Variants in PFKFB3 observed in about 807,000 individuals in gnomAD.
PFKFB3 encodes the protein 6-phosphofructo-2-kinase/fructose-2,6-bisphosphatase 3.
In PFKFB3, 33 loss-of-function variants were observed where a neutral mutation model predicts 68.0. The ratio of observed to expected loss-of-function variants is 0.49; its 90% CI spans 0.37 to 0.65. The LOEUF (loss-of-function observed/expected upper bound fraction) is 0.65. Among genes scored for constraint, PFKFB3 ranks in the 30% least tolerant of loss-of-function variants. PFKFB3 has a pLI of 0.00. For missense variants in PFKFB3, 586 were observed against 712.2 expected (o/e 0.82, Z 2.02); for synonymous variants, 315 against 288.2 (o/e 1.09, Z -0.94).
the PFKFB3 span, among the ~76,000 whole-genome samples, chr10:6,267,547 G>A: frequency 3.3e-5 from 5 of 152,114 alleles, no homozygotes; most frequent in Non-Finnish European, 5.9e-5. Flanking sequence ...GGCTGTTGGC[G>A]TTCTTACTTA....
At chr10:6,242,014 T>C (rs1161221458) in intron 14 of PFKFB3, among the ~76,000 whole-genome samples, 2 of 152,040 alleles carry the variant, frequency 1.3e-5, no homozygotes, top group East Asian at 3.9e-4. Flanking sequence ...TCCTGCTTAA[T>C]TTTTAAATTT....
chr10:6,207,808 T>G (rs1843896532), intron 1 of PFKFB3, among the ~76,000 whole-genome samples: 1 of 152,240 alleles, frequency 6.6e-6, no homozygotes, highest in Non-Finnish European at 1.5e-5. Context: ...TAACTCCTGC[T>G]GACTTACTGA....
intron 13 of PFKFB3, chr10:6,225,097 T>C (rs1039960614): frequency 2.2e-6 from 1 of 455,930 alleles, no homozygotes; most frequent in Non-Finnish European, 4.4e-6. Context: ...TCTGACTGAG[T>C]AGAGTGGGCC....
the PFKFB3 span, among the ~76,000 whole-genome samples, chr10:6,302,374 T>G: frequency 9.9e-3 from 936 of 94,576 alleles, 76 homozygotes; most frequent in East Asian, 0.076. Context: ...TTTTTTTTTT[T>G]TTTTTTTTTT....
chr10:6,208,371 C>CTTTTTTTTTT lies in PFKFB3; in HGVS notation c.76+5048_76+5057dup, dbSNP rs35447462. On this transcript the variant is annotated intron_variant, in intron 1 of 14. Transcript: ENST00000379775. ...ACAGGTGTAAGCCAGGGTACCTGGC[C>CTTTTTTTTTT]TTTTTTTTTTTTTTTTTTTTTTGCC... Among the ~76,000 whole-genome samples, 143 of 60,620 alleles carry CTTTTTTTTTT rather than the reference C, an allele frequency of 2.4e-3. 22 individuals are homozygous for CTTTTTTTTTT. The highest frequency in any genetic ancestry group is 0.016 in the South Asian group (20 of 1,262). 39.8% of individuals were successfully genotyped at this position (60,620 alleles called of 152,430 possible).
At chr10:6,285,176 G>A in the PFKFB3 span, among the ~76,000 whole-genome samples, 2 of 151,924 alleles carry the variant, frequency 1.3e-5, no homozygotes, top group South Asian at 4.1e-4. Flanking sequence ...TTCCACAGCA[G>A]CAGTACCATT....
At chr10:6,293,934 A>T in the PFKFB3 span, 2 of 486,950 alleles carry the variant, frequency 4.1e-6, no homozygotes, top group African/African-American at 4.0e-5. Context: ...CAATTTTTCC[A>T]TCTTGGTCCT....
At chr10:6,248,933 G>A (rs1353639673) in intron 14 of PFKFB3, among the ~76,000 whole-genome samples, 1 of 152,038 alleles carries the variant, frequency 6.6e-6, no homozygotes, top group Non-Finnish European at 1.5e-5. Flanking sequence ...CAGCACTTTG[G>A]GAGGCCAAGG....
At chr10:6,207,222 G>A (rs1298388038) in intron 1 of PFKFB3, among the ~76,000 whole-genome samples, 6 of 152,358 alleles carry the variant, frequency 3.9e-5, no homozygotes, top group South Asian at 2.1e-4. Flanking sequence ...GATCACTCGC[G>A]GTTAGGAGCT....
intron 1 of PFKFB3, among the ~76,000 whole-genome samples, chr10:6,148,947 C>A (rs1016808172): frequency 2.6e-5 from 4 of 152,054 alleles, no homozygotes; most frequent in African/African-American, 9.7e-5. Flanking sequence ...GGGGTGGTGG[C>A]GTGAACTTGT....
At chr10:6,323,223 G>A in the PFKFB3 span, among the ~76,000 whole-genome samples, 1 of 152,208 alleles carries the variant, frequency 6.6e-6, no homozygotes, top group Non-Finnish European at 1.5e-5. Context: ...AATTATGGAG[G>A]CCGAGAAGTC....
In PFKFB3 at chr10:6,220,836, G is replaced by A. The variant is rs1844903728; in HGVS notation, c.802G>A (p.Asp268Asn). Reference protein sequence around the residue: ...EHNLQGRIGGDSGLSSRGKKF... With the variant: ...EHNLQGRIGGNSGLSSRGKKF... ...CAACCTCCAGGGCCGCATCGGGGGCGACTCAGGCCTGTCCAGCCGGGGCAA... is the reference window on the plus strand; with the variant it reads ...CAACCTCCAGGGCCGCATCGGGGGCAACTCAGGCCTGTCCAGCCGGGGCAA... Residue 268 changes from aspartate (D) to asparagine (N), a missense_variant, in exon 8 of 15, where the codon GAC (aspartate) becomes AAC (asparagine). By Grantham distance (23) the Asp-to-Asn change is conservative (BLOSUM62 1). Coordinates refer to ENST00000379775, the MANE Select transcript of PFKFB3 (RefSeq NM_004566.4). The surrounding 1 kb of genome is among the most constrained non-coding windows in gnomAD (Gnocchi z 4.1). 6.2e-7 allele frequency: 1 copy of A among 1,612,824 alleles called. No homozygotes were observed. Among genetic ancestry groups the A allele is most frequent in the Non-Finnish European group, 8.5e-7 (1 of 1,180,016 alleles).
chr10:6,198,354 G>A (rs1423224831), upstream of PFKFB3, among the ~76,000 whole-genome samples: 1 of 152,138 alleles, frequency 6.6e-6, no homozygotes, highest in South Asian at 2.1e-4. Context: ...AGGGTTTGCC[G>A]GGACTTAAGT....
chr10:6,241,817 C>CT (rs993550844), intron 14 of PFKFB3, among the ~76,000 whole-genome samples: 14 of 145,182 alleles, frequency 9.6e-5, no homozygotes, highest in Admixed American at 6.9e-4. Flanking sequence ...TGGTGGTTTT[C>CT]TTTTTTTTAA....
At chr10:6,182,826 CAGGGCAGG>C (rs1842756474) in intron 1 of PFKFB3, among the ~76,000 whole-genome samples, 1 of 152,208 alleles carries the variant, frequency 6.6e-6, no homozygotes, top group South Asian at 2.1e-4. Context: ...TGTCCATGGC[CAGGGCAGG>C]AGGGCAGAGG....
In PFKFB3 at chr10:6,220,598, A is replaced by G. The variant is rs1458804664; in HGVS notation, c.624-60A>G. 90 of 1,474,742 alleles carry G rather than the reference A, an allele frequency of 6.1e-5. No individual in the cohort carries two copies. Among genetic ancestry groups the G allele is most frequent in the Non-Finnish European group, 8.5e-5 (90 of 1,059,244 alleles). The allele number at this position is 1,474,742 out of a possible 1,614,324, so 91.4% of individuals were successfully genotyped here. On this transcript the variant is annotated intron_variant, in intron 7 of 14. Coordinates refer to ENST00000379775, the MANE Select transcript of PFKFB3 (RefSeq NM_004566.4). The surrounding 1 kb of genome is among the most constrained non-coding windows in gnomAD (Gnocchi z 4.1). Reference sequence around the variant, plus strand: ...GGGATCACATCTTCGGAGACGGGCCAGGTGCATCCTGCTGTGGGTGGTGGC... The same window carrying G: ...GGGATCACATCTTCGGAGACGGGCCGGGTGCATCCTGCTGTGGGTGGTGGC...
At chr10:6,303,135 C>T in the PFKFB3 span, among the ~76,000 whole-genome samples, 1 of 152,106 alleles carries the variant, frequency 6.6e-6, no homozygotes, top group Admixed American at 6.5e-5. Flanking sequence ...TTGTTTTTCT[C>T]TTCTAAAATT....
chr10:6,312,011 C>T, the PFKFB3 span, among the ~76,000 whole-genome samples: 891 of 152,248 alleles, frequency 5.9e-3, 10 homozygotes, highest in South Asian at 0.013. Flanking sequence ...TCATAAGAAT[C>T]GGGGGCAGGA....
chr10:6,255,699 C>A (rs538686073), downstream of PFKFB3, among the ~76,000 whole-genome samples: 38 of 152,092 alleles, frequency 2.5e-4, no homozygotes, highest in Non-Finnish European at 4.4e-4. Context: ...AAGGTGTGAG[C>A]GGGAACTCCA....
Sources: allele counts gnomAD v4.1 joint callset (sites outside exome capture counted in the v4.1 genomes callset), GRCh38; gene constraint gnomAD v4.1.1; non-coding constraint Gnocchi (gnomAD v3.1); transcripts MANE v1.5; gene names NCBI Gene and HGNC (gene_info 2026-07-23, HGNC 2026-07-21).